The following OCA2 variants were observed in gnomAD, a reference collection of about 807,000 sequenced individuals.
The protein encoded by OCA2 is OCA2 melanosomal transmembrane protein.
OCA2 carries 77 observed loss-of-function variants against 100.2 expected under a neutral mutation model. That is an observed-to-expected ratio of 0.77 (90% CI 0.64 to 0.93). The LOEUF is 0.93. Among genes scored for constraint, OCA2 ranks in the 40% least tolerant of loss-of-function variants. The probability of loss-of-function intolerance (pLI) is 0.00; values close to 1 mark genes in which losing one functional copy is unlikely to be tolerated. For synonymous variants in OCA2, 432 were observed against 439.2 expected (o/e 0.98, Z 0.21); for missense variants, 1,062 against 1,089.1 (o/e 0.98, Z 0.35).
At chr15:28,039,367 T>A (rs183245912) in intron 2 of OCA2, among the ~76,000 whole-genome samples, 2 of 152,328 alleles carry the variant, frequency 1.3e-5, no homozygotes, top group African/African-American at 4.8e-5. Context: ...AATGTGCACA[T>A]GAAACGTTTT....
intron 2 of OCA2, among the ~76,000 whole-genome samples, chr15:28,070,452 C>A (rs1443364076): frequency 1.6e-5 from 2 of 123,230 alleles, no homozygotes; most frequent in Non-Finnish European, 3.1e-5. Context: ...GGGGGTCAGC[C>A]CCCCCACCCG....
At chr15:28,077,699 A>G (rs2044476575) in intron 2 of OCA2, among the ~76,000 whole-genome samples, 1 of 152,242 alleles carries the variant, frequency 6.6e-6, no homozygotes, top group Non-Finnish European at 1.5e-5. Flanking sequence ...GTCCCAATAT[A>G]AAATGAATGC....
intron 23 of OCA2, among the ~76,000 whole-genome samples, chr15:27,794,412 C>T (rs973710848): frequency 1.3e-5 from 2 of 152,142 alleles, no homozygotes; most frequent in Non-Finnish European, 2.9e-5. Context: ...CAGATTTTTA[C>T]ATGTGGCCTC....
chr15:27,786,820 C>T (rs896675096), intron 23 of OCA2, among the ~76,000 whole-genome samples: 2 of 152,072 alleles, frequency 1.3e-5, no homozygotes, highest in Admixed American at 6.6e-5. Context: ...ATTAAACTTG[C>T]CAGAACCATG....
intron 23 of OCA2, among the ~76,000 whole-genome samples, chr15:27,791,227 T>C (rs140892057): frequency 1.3e-5 from 2 of 152,298 alleles, no homozygotes; most frequent in Admixed American, 1.3e-4. Flanking sequence ...CATGAGTATA[T>C]GCCCAAAATA....
At chr15:27,732,458 C>A in the OCA2 span, among the ~76,000 whole-genome samples, 46 of 152,218 alleles carry the variant, frequency 3.0e-4, 2 homozygotes, top group Middle Eastern at 3.4e-3. Flanking sequence ...CGATGGAAGA[C>A]CCAGGTAGGT....
chr15:27,908,057 GA>G (rs907357022), intron 19 of OCA2, among the ~76,000 whole-genome samples: 4 of 148,570 alleles, frequency 2.7e-5, no homozygotes, highest in African/African-American at 4.9e-5. Context: ...GACTCATTAA[GA>G]AAAAAAAAGA....
chr15:27,944,467 G>C (rs1297729836), intron 18 of OCA2, among the ~76,000 whole-genome samples: 5 of 152,164 alleles, frequency 3.3e-5, no homozygotes, highest in Non-Finnish European at 5.9e-5. Context: ...ATAGAAGATT[G>C]CCAGCCATTA....
intron 21 of OCA2, among the ~76,000 whole-genome samples, chr15:27,867,661 G>C (rs2036378230): frequency 6.6e-6 from 1 of 152,088 alleles, no homozygotes; most frequent in Non-Finnish European, 1.5e-5. Flanking sequence ...GAAGTGCAAG[G>C]AGAAACAAAC....
At chr15:28,072,956 T>C (rs1484187650) in intron 2 of OCA2, among the ~76,000 whole-genome samples, 1 of 152,150 alleles carries the variant, frequency 6.6e-6, no homozygotes, top group Non-Finnish European at 1.5e-5. Context: ...TGGGTAGATA[T>C]GCAAAAGAAA....
At chr15:27,961,272 T>C (rs1484383689) in intron 15 of OCA2, among the ~76,000 whole-genome samples, 1 of 152,164 alleles carries the variant, frequency 6.6e-6, no homozygotes, top group East Asian at 1.9e-4. Flanking sequence ...CCAGTTAGAA[T>C]GATGATCATT....
In OCA2 at chr15:27,772,320, T is replaced by TTAC. The variant is rs1566951146; in HGVS notation, c.2433-16851_2433-16849dup. ...TTTGCCACTACTACTGCAAATTCTATTACTACTACTACTATTACTTTTTTA... is the reference window on the plus strand; with the variant it reads ...TTTGCCACTACTACTGCAAATTCTATTACTACTACTACTACTATTACTTTTTTA... On this transcript the variant is annotated intron_variant, in intron 23 of 23. Coordinates refer to ENST00000354638, the MANE Select transcript of OCA2 (RefSeq NM_000275.3). 6.6e-5 allele frequency among the ~76,000 whole-genome samples: 10 copies of TTAC among 152,364 alleles called. No individual in the cohort carries two copies. The South Asian group carries it at 2.1e-3, about 32-fold the overall frequency.
At chr15:27,983,292 A>T in intron 14 of OCA2, 53 bp downstream of exon 14, 1 of 1,610,868 alleles carries the variant, frequency 6.2e-7, no homozygotes, top group South Asian at 1.1e-5. Context: ...TAGAGCTCTA[A>T]CTAAGTGGAG....
At chr15:28,057,913 A>G (rs1237301062) in intron 2 of OCA2, among the ~76,000 whole-genome samples, 1 of 152,198 alleles carries the variant, frequency 6.6e-6, no homozygotes, top group Non-Finnish European at 1.5e-5. Flanking sequence ...CTAAGCCACC[A>G]GGCTGGACCC....
chr15:27,925,136 T>C (rs1156608590), intron 19 of OCA2, among the ~76,000 whole-genome samples: 7 of 152,216 alleles, frequency 4.6e-5, no homozygotes, highest in African/African-American at 1.7e-4. Flanking sequence ...TCCAACAAAA[T>C]AGTTGAAGAC....
chr15:27,958,526 C>T (rs369289939), intron 15 of OCA2, among the ~76,000 whole-genome samples: 67 of 152,174 alleles, frequency 4.4e-4, no homozygotes, highest in African/African-American at 1.5e-3. Flanking sequence ...CTGACACAGG[C>T]GAAAGAGAGA....
At chr15:28,051,595 C>CTTTTTTT (rs11292828) in intron 2 of OCA2, among the ~76,000 whole-genome samples, 1 of 82,484 alleles carries the variant, frequency 1.2e-5, no homozygotes, top group African/African-American at 7.4e-5. Flanking sequence ...CCTGGCCTTC[C>CTTTTTTT]TTTTTTTTTT....
intron 21 of OCA2, among the ~76,000 whole-genome samples, chr15:27,866,929 G>A (rs1595541389): frequency 6.6e-6 from 1 of 152,206 alleles, no homozygotes; most frequent in Non-Finnish European, 1.5e-5. Context: ...GGAGAGGTGT[G>A]ACAAGGCATA....
At chr15:27,946,878 ACTGT>A (rs1471042665) in intron 18 of OCA2, among the ~76,000 whole-genome samples, 1 of 152,010 alleles carries the variant, frequency 6.6e-6, no homozygotes, top group Non-Finnish European at 1.5e-5. Flanking sequence ...CCATGAAGAA[ACTGT>A]CTGGCCTGCC....
Sources: gnomAD v4.1 joint callset for allele counts (sites outside exome capture counted in the v4.1 genomes callset) on GRCh38, gnomAD v4.1.1 for gene constraint, MANE v1.5 for transcripts, NCBI Gene and HGNC (gene_info 2026-07-23, HGNC 2026-07-21) for gene names.